Variants in PTPRM observed in about 807,000 individuals in gnomAD.
PTPRM encodes protein tyrosine phosphatase receptor type M.
A neutral mutation model predicts 186.7 loss-of-function variants in PTPRM; 47 were observed. That is an observed-to-expected ratio of 0.25 (90% CI 0.20 to 0.32). The LOEUF is 0.32. Among genes scored for constraint, PTPRM ranks in the 10% least tolerant of loss-of-function variants. The probability of loss-of-function intolerance (pLI) is 1.00; values close to 1 mark genes in which losing one functional copy is unlikely to be tolerated. For synonymous variants in PTPRM, 668 were observed against 674.9 expected, an observed-to-expected ratio of 0.99 and a Z score of 0.16; for missense variants, 1,494 against 1,865.0, an observed-to-expected ratio of 0.80 and a Z score of 3.66.
intron 14 of PTPRM, among the ~76,000 whole-genome samples, chr18:8,222,976 T>C (rs1270737820): frequency 1.3e-5 from 2 of 151,960 alleles, no homozygotes; most frequent in Admixed American, 6.6e-5. Flanking sequence ...TAATCCCAAC[T>C]CTTTGGGAGG....
At chr18:7,805,110 C>T (rs1191103540) in intron 2 of PTPRM, among the ~76,000 whole-genome samples, 2 of 152,232 alleles carry the variant, frequency 1.3e-5, no homozygotes, top group Admixed American at 6.5e-5. Flanking sequence ...TCCTCTTCTT[C>T]TCAGAGGTGC....
chr18:8,275,141 A>G (rs1322288996), intron 19 of PTPRM, among the ~76,000 whole-genome samples: 1 of 152,176 alleles, frequency 6.6e-6, no homozygotes, highest in African/African-American at 2.4e-5. Context: ...AAAAATGGAA[A>G]TGTAGGTTTC....
chr18:7,691,864 G>A (rs2039741438), intron 1 of PTPRM, among the ~76,000 whole-genome samples: 1 of 151,926 alleles, frequency 6.6e-6, no homozygotes, highest in South Asian at 2.1e-4. Flanking sequence ...GATCCCAGGA[G>A]GTTAAGGAGG....
intron 2 of PTPRM, among the ~76,000 whole-genome samples, chr18:7,798,778 G>T (rs2043803510): frequency 6.6e-6 from 1 of 151,882 alleles, no homozygotes. Flanking sequence ...TTCCAATATG[G>T]AAACTCACAT....
chr18:7,927,356 G>T (rs748102215), intron 5 of PTPRM, among the ~76,000 whole-genome samples: 1 of 152,074 alleles, frequency 6.6e-6, no homozygotes, highest in Non-Finnish European at 1.5e-5. Context: ...CCCTGCCTTG[G>T]TATTCTCCAG....
intron 1 of PTPRM, among the ~76,000 whole-genome samples, chr18:7,729,162 A>G (rs897809601): frequency 1.3e-5 from 2 of 152,188 alleles, no homozygotes; most frequent in African/African-American, 4.8e-5. Flanking sequence ...CTCCTGCCTC[A>G]GCCTCTCAAA....
chr18:8,027,588 G>C (rs749692575), intron 7 of PTPRM, among the ~76,000 whole-genome samples: 1 of 152,100 alleles, frequency 6.6e-6, no homozygotes, highest in Non-Finnish European at 1.5e-5. Context: ...AAAAGTACTT[G>C]TTTATCAGTC....
At chr18:8,277,060 CT>C (rs1353842699) in intron 19 of PTPRM, among the ~76,000 whole-genome samples, 1 of 152,052 alleles carries the variant, frequency 6.6e-6, no homozygotes, top group Non-Finnish European at 1.5e-5. Context: ...CCTCAGCCCC[CT>C]GAGTAGCTGG....
intron 13 of PTPRM, 74 bp from the exon 14 acceptor site, chr18:8,143,573 A>G (rs2092812911): frequency 1.3e-6 from 2 of 1,490,986 alleles, no homozygotes; most frequent in East Asian, 2.3e-5. Flanking sequence ...AAATGCAGCG[A>G]AATTTTTTAA....
intron 2 of PTPRM, among the ~76,000 whole-genome samples, chr18:7,816,599 C>T (rs545845761): frequency 8.3e-4 from 126 of 152,278 alleles, no homozygotes; most frequent in African/African-American, 2.9e-3. Context: ...TCTTCTTTAA[C>T]ATTTAGAAAT....
chr18:7,580,000 T>G (rs866370441), intron 1 of PTPRM, among the ~76,000 whole-genome samples: 1 of 152,222 alleles, frequency 6.6e-6, no homozygotes, highest in Non-Finnish European at 1.5e-5. Flanking sequence ...GGAAGAAAGG[T>G]CTTTGTCAAA....
chr18:7,686,998 G>T (rs1005945897), intron 1 of PTPRM, among the ~76,000 whole-genome samples: 1 of 152,116 alleles, frequency 6.6e-6, no homozygotes. Flanking sequence ...ATAAGCTGTC[G>T]TAGAAAGAAT....
Position 8,380,436 on chromosome 18 carries a change from C to G in PTPRM, c.3918+9C>G. 6.2e-7 allele frequency: 1 copy of G among 1,614,062 alleles called. No homozygotes were observed. Among genetic ancestry groups the G allele is most frequent in the Non-Finnish European group, 8.5e-7 (1 of 1,179,970 alleles). On this transcript the variant is annotated intron_variant, in intron 29 of 32. Transcript: ENST00000580170. Reference sequence around the variant, plus strand: ...ATGTGGATCCTGCCCAGGTGAGACCCGGACTTCTTACAGTCAGAACTAGTG... The same window carrying G: ...ATGTGGATCCTGCCCAGGTGAGACCGGGACTTCTTACAGTCAGAACTAGTG...
intron 1 of PTPRM, among the ~76,000 whole-genome samples, chr18:7,695,785 C>A (rs2039830456): frequency 6.6e-6 from 1 of 152,166 alleles, no homozygotes; most frequent in South Asian, 2.1e-4. Context: ...CTGATGGCCA[C>A]CCTCCTGTCA....
At chr18:8,062,993 G>C (rs1036230772) in intron 7 of PTPRM, among the ~76,000 whole-genome samples, 4 of 149,878 alleles carry the variant, frequency 2.7e-5, no homozygotes, top group South Asian at 4.2e-4. Flanking sequence ...CACCCAGTTC[G>C]AGCTTCCCGG....
At chr18:8,215,545 C>CTTTTTTT (rs11334182) in intron 14 of PTPRM, among the ~76,000 whole-genome samples, 7 of 116,330 alleles carry the variant, frequency 6.0e-5, no homozygotes, top group East Asian at 2.6e-4. Context: ...TCTTTCTTTT[C>CTTTTTTT]TTTTTTTTTT....
intron 3 of PTPRM, among the ~76,000 whole-genome samples, chr18:7,894,604 TA>T (rs1254957388): frequency 6.6e-6 from 1 of 151,104 alleles, no homozygotes; most frequent in African/African-American, 2.4e-5. Context: ...TATATATATA[TA>T]TATATTTTTT....
intron 5 of PTPRM, among the ~76,000 whole-genome samples, chr18:7,943,062 C>G (rs908637077): frequency 6.6e-6 from 1 of 151,944 alleles, no homozygotes; most frequent in Non-Finnish European, 1.5e-5. Flanking sequence ...CATCTTTCTG[C>G]GTGTTGGGTC....
chr18:8,076,209 T>C (rs1354303934), intron 8 of PTPRM, among the ~76,000 whole-genome samples: 1 of 152,100 alleles, frequency 6.6e-6, no homozygotes, highest in African/African-American at 2.4e-5. Context: ...AACGTTTATT[T>C]AATAGATGGG....
Sources: allele counts gnomAD v4.1 joint callset (sites outside exome capture counted in the v4.1 genomes callset), GRCh38; gene constraint gnomAD v4.1.1; transcripts MANE v1.5; gene names NCBI Gene and HGNC (gene_info 2026-07-23, HGNC 2026-07-21).